PHF24: variants seen among roughly 807,000 people sequenced by gnomAD.
PHF24 encodes the protein PHD finger protein 24.
PHF24 carries 25 observed loss-of-function variants against 42.6 expected under a neutral mutation model. The ratio of observed to expected loss-of-function variants is 0.59; its 90% CI spans 0.43 to 0.82. The LOEUF (loss-of-function observed/expected upper bound fraction) is 0.82. PHF24 is among the 40% of genes least tolerant of loss of function. PHF24 has a pLI of 0.00. For synonymous variants in PHF24, 185 were observed against 204.8 expected (o/e 0.90, Z 0.83); for missense variants, 470 against 538.1 (o/e 0.87, Z 1.25).
At chr9:34,835,525 G>C in the PHF24 span, 1 of 1,551,716 alleles carries the variant, frequency 6.4e-7, no homozygotes, top group Non-Finnish European at 8.7e-7. Flanking sequence ...GGGACAGCAA[G>C]GAGACCTGGA....
chr9:34,686,031 G>C, the PHF24 span, among the ~76,000 whole-genome samples: 1 of 152,178 alleles, frequency 6.6e-6, no homozygotes, highest in Non-Finnish European at 1.5e-5. Flanking sequence ...CATAAGAATG[G>C]TAATAGCACT....
At chr9:34,809,945 C>T in the PHF24 span, among the ~76,000 whole-genome samples, 1 of 114,030 alleles carries the variant, frequency 8.8e-6, no homozygotes, top group African/African-American at 2.9e-5. The surrounding 1 kb of genome is among the most constrained non-coding windows in gnomAD (Gnocchi z 4.1). Flanking sequence ...GGGCGCGGGG[C>T]GGAACGCAGC....
At chr9:34,879,841 T>A in the PHF24 span, among the ~76,000 whole-genome samples, 4 of 152,078 alleles carry the variant, frequency 2.6e-5, no homozygotes, top group Admixed American at 2.6e-4. Context: ...ATTCAGGAAA[T>A]ACAGAGAACG....
chr9:34,911,658 T>C, the PHF24 span, among the ~76,000 whole-genome samples: 1 of 152,022 alleles, frequency 6.6e-6, no homozygotes, highest in Non-Finnish European at 1.5e-5. Context: ...ATTTTCCAAA[T>C]TTCAGTTAAT....
the PHF24 span, among the ~76,000 whole-genome samples, chr9:34,720,448 T>A: frequency 2.3e-4 from 26 of 114,338 alleles, no homozygotes; most frequent in Admixed American, 2.4e-3. Context: ...CGAGACTCCG[T>A]CTCAAAAAAA....
chr9:34,836,928 C>G, the PHF24 span: 1 of 332,466 alleles, frequency 3.0e-6, no homozygotes, highest in Middle Eastern at 4.3e-4. Flanking sequence ...TTGCAACCCT[C>G]TCAACTAGTG....
chr9:34,738,335 T>G, the PHF24 span, among the ~76,000 whole-genome samples: 1 of 152,088 alleles, frequency 6.6e-6, no homozygotes, highest in Non-Finnish European at 1.5e-5. Context: ...AGTCCCAATT[T>G]TTAGACTTTT....
the PHF24 span, among the ~76,000 whole-genome samples, chr9:34,704,700 G>T: frequency 6.6e-6 from 1 of 152,116 alleles, no homozygotes; most frequent in African/African-American, 2.4e-5. Context: ...GCTGGGTGTG[G>T]TGGTGTGTGC....
chr9:34,760,977 G>C, the PHF24 span, among the ~76,000 whole-genome samples: 1 of 145,212 alleles, frequency 6.9e-6, no homozygotes, highest in East Asian at 2.1e-4. Flanking sequence ...GGGTGACAGA[G>C]TGAAACTCCG....
chr9:34,745,168 A>G, the PHF24 span, among the ~76,000 whole-genome samples: 1 of 152,194 alleles, frequency 6.6e-6, no homozygotes, highest in Non-Finnish European at 1.5e-5. Flanking sequence ...CAGAGAGGTC[A>G]GGAAGGAGCT....
the PHF24 span, among the ~76,000 whole-genome samples, chr9:34,804,130 T>G: frequency 1.3e-5 from 2 of 152,150 alleles, no homozygotes; most frequent in Non-Finnish European, 2.9e-5. Context: ...TGAACTCAGC[T>G]TCACCCCTGG....
the PHF24 span, among the ~76,000 whole-genome samples, chr9:34,875,936 ACACACACACACACACTCTCTCTCT>A: frequency 2.9e-3 from 259 of 87,894 alleles, 3 homozygotes; most frequent in African/African-American, 0.011. Flanking sequence ...ACACACACAC[ACACACACACACACACTCTCTCTCT>A]CTCTCTCTCT....
the PHF24 span, among the ~76,000 whole-genome samples, chr9:34,916,425 A>T: frequency 6.6e-6 from 1 of 152,220 alleles, no homozygotes; most frequent in African/African-American, 2.4e-5. Context: ...TAGAAAAAAT[A>T]GCTGACCATG....
the PHF24 span, among the ~76,000 whole-genome samples, chr9:34,825,452 A>T: frequency 6.6e-6 from 1 of 152,072 alleles, no homozygotes; most frequent in African/African-American, 2.4e-5. Context: ...AGCCTAGAGG[A>T]TTTATGGAGG....
At chr9:34,666,685 C>A in the PHF24 span, among the ~76,000 whole-genome samples, 1 of 151,898 alleles carries the variant, frequency 6.6e-6, no homozygotes, top group African/African-American at 2.4e-5. Flanking sequence ...CGGTGGCTCA[C>A]GCCTTTAATC....
At chr9:34,739,066 G>A in the PHF24 span, among the ~76,000 whole-genome samples, 4 of 152,092 alleles carry the variant, frequency 2.6e-5, no homozygotes, top group African/African-American at 9.7e-5. Context: ...GGTTTTAGCT[G>A]TTTCCTAGTT....
the PHF24 span, among the ~76,000 whole-genome samples, chr9:34,701,237 T>C: frequency 4.6e-5 from 7 of 152,164 alleles, no homozygotes; most frequent in South Asian, 2.1e-4. This position sits in a 1 kb window ranked among gnomAD's most constrained non-coding sequence, Gnocchi z 5.8. Flanking sequence ...GTACTAGCCA[T>C]TGGGGCAGGG....
the PHF24 span, among the ~76,000 whole-genome samples, chr9:34,798,915 G>A: frequency 6.6e-6 from 1 of 152,230 alleles, no homozygotes; most frequent in African/African-American, 2.4e-5. Context: ...GTGTGAGATG[G>A]TATCTCACTG....
At chr9:34,776,817 C>A in the PHF24 span, among the ~76,000 whole-genome samples, 1 of 152,112 alleles carries the variant, frequency 6.6e-6, no homozygotes, top group East Asian at 1.9e-4. Context: ...TGGGACAACA[C>A]AATTGGGACA....
Sources: allele counts gnomAD v4.1 joint callset (sites outside exome capture counted in the v4.1 genomes callset), GRCh38; gene constraint gnomAD v4.1.1; non-coding constraint Gnocchi (gnomAD v3.1); transcripts MANE v1.5; gene names NCBI Gene and HGNC (gene_info 2026-07-23, HGNC 2026-07-21).